KIF13B: variants seen among roughly 807,000 people sequenced by gnomAD.
The protein encoded by KIF13B is kinesin-like protein KIF13B.
In KIF13B, 127 loss-of-function variants were observed where a neutral mutation model predicts 222.0. The observed-to-expected ratio is 0.57, with a 90% CI of 0.50 to 0.66. The LOEUF (loss-of-function observed/expected upper bound fraction) is 0.66. KIF13B is among the 30% of genes least tolerant of loss of function. KIF13B has a pLI of 0.00. For synonymous variants in KIF13B, 976 were observed against 919.0 expected (o/e 1.06, Z -1.12); for missense variants, 2,173 against 2,379.0 (o/e 0.91, Z 1.80).
At chr8:29,128,552 A>G (rs551327949) in intron 24 of KIF13B, among the ~76,000 whole-genome samples, 6 of 152,310 alleles carry the variant, frequency 3.9e-5, no homozygotes, top group Admixed American at 3.3e-4. Flanking sequence ...TAGCCTAAAC[A>G]GTTTTGTCAT....
Position 29,165,707 on chromosome 8 carries a change from A to G in KIF13B, c.1224T>C (p.Thr408=), listed in dbSNP as rs747938510. 6.2e-7 allele frequency: 1 copy of G among 1,613,720 alleles called. No homozygotes were observed. The highest frequency in any genetic ancestry group is 8.5e-7 in the Non-Finnish European group (1 of 1,179,626). Residue 408 remains threonine, a synonymous_variant, in exon 12 of 40, where the codon ACT becomes ACC. Coordinates refer to ENST00000524189, the MANE Select transcript of KIF13B (RefSeq NM_015254.4). ...TCCTTAATTTCTCCTCCCAGGTCAC[A>G]GTCATTTCCTGGATTAGCTTCTCAG... ...EESEKLIQEM[T]VTWEEKLRKT...
chr8:29,132,059 C>G (rs1316668465), intron 23 of KIF13B, among the ~76,000 whole-genome samples: 1 of 152,100 alleles, frequency 6.6e-6, no homozygotes, highest in Non-Finnish European at 1.5e-5. Flanking sequence ...CCAGCCTGGC[C>G]AATATGGTGA....
intron 1 of KIF13B, among the ~76,000 whole-genome samples, chr8:29,254,383 C>G (rs927354488): frequency 1.3e-5 from 2 of 151,956 alleles, no homozygotes; most frequent in Non-Finnish European, 2.9e-5. Context: ...AAAAAGAAAC[C>G]CATAAAATCA....
intron 4 of KIF13B, 133 bp from the exon 5 acceptor site, chr8:29,188,740 G>A (rs1218595680): frequency 7.9e-6 from 5 of 630,732 alleles, no homozygotes; most frequent in East Asian, 5.5e-5. Context: ...TAAATTTGAC[G>A]AATGCTCCCA....
chr8:29,221,243 C>T (rs1427811323), intron 2 of KIF13B, among the ~76,000 whole-genome samples: 1 of 151,766 alleles, frequency 6.6e-6, no homozygotes, highest in African/African-American at 2.4e-5. Context: ...GCTGGGATTA[C>T]AGGCATGTGC....
In KIF13B at chr8:29,263,000, A is replaced by C; in HGVS notation, c.35T>G (p.Ile12Arg). 1 of 1,597,840 alleles carries C rather than the reference A, an allele frequency of 6.3e-7. No homozygotes were observed. Among genetic ancestry groups the C allele is most frequent in the Non-Finnish European group, 8.5e-7 (1 of 1,173,306 alleles). ...GDSKVKVAVRIRPMNRRETDL... is the reference protein window; with the variant it reads ...GDSKVKVAVRRRPMNRRETDL... ...CTCACCTCGCCGGTTCATGGGTCGT[A>C]TCCGCACCGCCACTTTCACTTTGGA... The change falls in exon 1 of 40, where the codon ATA becomes AGA. Residue 12 changes from isoleucine (I) to arginine (R), a missense_variant. This residue lies in a region of KIF13B where 1,480 missense variants were observed against 1,722.8 expected (regional missense o/e 0.86). Transcript: ENST00000524189.
At position 29,084,957 on chromosome 8, in the gene KIF13B, G is replaced by A. The variant is rs200775520; in HGVS notation, c.4458+7788C>T. Reference sequence around the variant, plus strand: ...AGTATTTTTGCATTTCTGGAACTCAGACAGAAATTGACTACAAACAAAAAC... The same window carrying A: ...AGTATTTTTGCATTTCTGGAACTCAAACAGAAATTGACTACAAACAAAAAC... On this transcript the variant is annotated intron_variant, in intron 37 of 39. Transcript: ENST00000524189. Among the ~76,000 whole-genome samples the A allele has an allele frequency of 1.1e-4, 16 of 152,324 alleles. No individual in the cohort carries two copies. The East Asian group carries it at 3.1e-3, about 29-fold the overall frequency.
chr8:29,187,189 T>A (rs559697416), intron 5 of KIF13B, among the ~76,000 whole-genome samples: 9 of 152,258 alleles, frequency 5.9e-5, no homozygotes, highest in Middle Eastern at 3.4e-3. Flanking sequence ...CACTACCCTT[T>A]CACTATAGTG....
At chr8:29,244,220 A>G (rs1200312846) in intron 2 of KIF13B, among the ~76,000 whole-genome samples, 1 of 152,100 alleles carries the variant, frequency 6.6e-6, no homozygotes, top group Non-Finnish European at 1.5e-5. Context: ...TCACTGTGTT[A>G]GCCAGGATGG....
chr8:29,177,944 C>T (rs1367140028), intron 8 of KIF13B, among the ~76,000 whole-genome samples: 1 of 152,136 alleles, frequency 6.6e-6, no homozygotes, highest in Non-Finnish European at 1.5e-5. Context: ...CTGTCACAAC[C>T]AAATGGGTTA....
chr8:29,122,541 A>T, intron 29 of KIF13B, 50 bp downstream of exon 29: 3 of 1,447,996 alleles, frequency 2.1e-6, no homozygotes, highest in East Asian at 2.3e-5. Context: ...CATGTTATGT[A>T]GGCACTAAAT....
chr8:29,204,602 G>A (rs2130436418), intron 2 of KIF13B, among the ~76,000 whole-genome samples: 1 of 152,332 alleles, frequency 6.6e-6, no homozygotes, highest in South Asian at 2.1e-4. Flanking sequence ...TGACTCATTT[G>A]TGGAGGGTTT....
chr8:29,135,541 A>C (rs1810517384), intron 21 of KIF13B, among the ~76,000 whole-genome samples: 1 of 152,234 alleles, frequency 6.6e-6, no homozygotes, highest in Admixed American at 6.5e-5. Context: ...TGTATGATTT[A>C]ATCTACCTCC....
chr8:29,095,505 G>A (rs987644930), intron 36 of KIF13B, among the ~76,000 whole-genome samples: 2 of 152,224 alleles, frequency 1.3e-5, no homozygotes, highest in Non-Finnish European at 2.9e-5. Flanking sequence ...GGTGGCTCAC[G>A]CCTGTAATCC....
chr8:29,093,583 C>T (rs185330820), intron 36 of KIF13B, among the ~76,000 whole-genome samples: 2 of 152,214 alleles, frequency 1.3e-5, no homozygotes, highest in Non-Finnish European at 2.9e-5. Flanking sequence ...AAGCAAGTCA[C>T]CTTAAGGAAT....
rs377720146 is a variant in KIF13B at position 29,155,726 on chromosome 8, C to G, written c.1535G>C (p.Arg512Thr). 2 of 1,603,590 alleles carry G rather than the reference C, an allele frequency of 1.2e-6. No homozygotes were observed. The highest frequency in any genetic ancestry group is 1.7e-6 in the Non-Finnish European group (2 of 1,174,416). Reference sequence around the variant, plus strand: ...ATGAACACTAATTCAAGTATGTTACCTGGTGTTCTTCTGAGGAGTCAGCAT... The same window carrying G: ...ATGAACACTAATTCAAGTATGTTACGTGGTGTTCTTCTGAGGAGTCAGCAT... ...QVMLTPQKNT[R>T]TFVNGSSVSS... The change falls in exon 14 of 40, where the codon AGA becomes ACA. Residue 512 changes from arginine to threonine, a missense_variant and splice_region_variant. By Grantham distance (71) the Arg-to-Thr change is moderately conservative. Coordinates refer to ENST00000524189, the MANE Select transcript of KIF13B (RefSeq NM_015254.4).
At chr8:29,117,253 A>G (rs1223913254) in intron 30 of KIF13B, among the ~76,000 whole-genome samples, 1 of 152,152 alleles carries the variant, frequency 6.6e-6, no homozygotes, top group Non-Finnish European at 1.5e-5. Flanking sequence ...AAAATGCTCA[A>G]ATGTCAAGAA....
intron 2 of KIF13B, among the ~76,000 whole-genome samples, chr8:29,244,028 T>G (rs1815906375): frequency 6.6e-6 from 1 of 152,196 alleles, no homozygotes; most frequent in East Asian, 1.9e-4. Context: ...TTTTCTTTTT[T>G]TTTGAGACGG....
chr8:29,195,944 A>G (rs1188649887), intron 3 of KIF13B, among the ~76,000 whole-genome samples: 1 of 152,248 alleles, frequency 6.6e-6, no homozygotes, highest in Non-Finnish European at 1.5e-5. Context: ...CACAAAAGGA[A>G]TCTGTGTTGT....
Sources: allele counts gnomAD v4.1 joint callset (sites outside exome capture counted in the v4.1 genomes callset), GRCh38; gene constraint gnomAD v4.1.1; regional missense constraint gnomAD v4.1.1; transcripts MANE v1.5; gene names NCBI Gene and HGNC (gene_info 2026-07-23, HGNC 2026-07-21).